The following IL3RA variants were observed in gnomAD, a reference collection of about 807,000 sequenced individuals.
IL3RA encodes the protein interleukin-3 receptor subunit alpha.
Under a neutral mutation model 52.3 loss-of-function variants are expected in IL3RA, and 73 were observed. The observed-to-expected ratio is 1.40, with a 90% CI of 1.16 to 1.70. The LOEUF is 1.70. Ranked by LOEUF, IL3RA falls within the 40% of genes most tolerant of loss-of-function variation. The pLI, the probability that IL3RA is intolerant of heterozygous loss-of-function variation, is 0.00. For missense variants in IL3RA, 664 were observed against 504.4 expected, an observed-to-expected ratio of 1.32 and a Z score of -3.03; for synonymous variants, 260 against 194.0, an observed-to-expected ratio of 1.34 and a Z score of -2.83.
Position 1,358,903 on chromosome X carries a change from C to T in IL3RA, c.759+16C>T. 1 of 1,608,980 alleles carries T rather than the reference C, an allele frequency of 6.2e-7. No individual in the cohort carries two copies. Among genetic ancestry groups the T allele is most frequent in the Non-Finnish European group, 8.5e-7 (1 of 1,177,242 alleles). ...CACAGAACAGGTGAGTGTTCCCTAC[C>T]CCCAGCCGCTGTACTTGACATTGCA... On this transcript the variant is annotated intron_variant, in intron 8 of 11. Transcript: ENST00000331035.
At chrX:1,363,065 C>T (rs770690197) in intron 8 of IL3RA, among the ~76,000 whole-genome samples, 38 of 152,130 alleles carry the variant, frequency 2.5e-4, no homozygotes, top group Middle Eastern at 3.4e-3. Flanking sequence ...TGTCAGCCAC[C>T]GCGCCCGGCC....
At chrX:1,343,151 C>A (rs1302527711) in intron 2 of IL3RA, among the ~76,000 whole-genome samples, 3 of 151,972 alleles carry the variant, frequency 2.0e-5, no homozygotes, top group Non-Finnish European at 4.4e-5. Context: ...GATAAATTAT[C>A]CTTCTAAGTT....
Position 1,349,331 on chromosome X carries a change from A to G in IL3RA, c.298+786A>G, listed in dbSNP as rs747692304. 1.2e-4 allele frequency among the ~76,000 whole-genome samples: 18 copies of G among 150,172 alleles called. No homozygotes were observed. The South Asian group carries it at 1.9e-3, about 16-fold the overall frequency. On this transcript the variant is annotated intron_variant, in intron 4 of 11. Coordinates refer to ENST00000331035, the MANE Select transcript of IL3RA (RefSeq NM_002183.4). ...CGAGTAGCTGGGATTATAGGCGCCC[A>G]CCGCCACGCCCAGCTAATTCTTGTA...
chrX:1,381,473 C>T (rs1201427991), intron 11 of IL3RA, among the ~76,000 whole-genome samples: 17 of 151,856 alleles, frequency 1.1e-4, no homozygotes, highest in African/African-American at 4.1e-4. Flanking sequence ...AGTGGGGGGA[C>T]ACTGGGCTCC....
intron 4 of IL3RA, 126 bp downstream of exon 4, chrX:1,348,671 TTTC>T: frequency 8.6e-6 from 4 of 462,636 alleles, no homozygotes; most frequent in African/African-American, 4.9e-5. Context: ...TCTTTCTTTC[TTTC>T]TTTCTTTCTT....
At chrX:1,348,676 T>TGC (rs2085913745) in intron 4 of IL3RA, 131 bp downstream of exon 4, 1 of 396,196 alleles carries the variant, frequency 2.5e-6, no homozygotes, top group Admixed American at 4.6e-5. Flanking sequence ...CTTTCTTTCT[T>TGC]TCTTTCTTTC....
chrX:1,347,353 A>G (rs6645275), intron 3 of IL3RA, among the ~76,000 whole-genome samples: 63,017 of 150,820 alleles, frequency 0.42, 14,326 homozygotes, highest in Middle Eastern at 0.61. Flanking sequence ...CTGAGGCAGG[A>G]GAATGGCTTG....
intron 6 of IL3RA, 131 bp from the exon 7 acceptor site, chrX:1,356,090 G>A (rs2086683088): frequency 1.5e-6 from 1 of 654,388 alleles, no homozygotes. Flanking sequence ...TTCCTTCCTG[G>A]TGTTTTTCTC....
intron 2 of IL3RA, among the ~76,000 whole-genome samples, chrX:1,344,781 T>A (rs2085656503): frequency 6.6e-6 from 1 of 150,612 alleles, no homozygotes; most frequent in East Asian, 2.0e-4. Flanking sequence ...CTCAAAAAAA[T>A]AAAAAATTTA....
intron 8 of IL3RA, among the ~76,000 whole-genome samples, chrX:1,362,615 G>A (rs1434708573): frequency 1.3e-5 from 2 of 151,124 alleles, no homozygotes; most frequent in South Asian, 2.1e-4. Context: ...TTCTATCTCC[G>A]TCCTCCTGTA....
At chrX:1,339,594 C>T (rs1697163336) in intron 1 of IL3RA, among the ~76,000 whole-genome samples, 1 of 152,080 alleles carries the variant, frequency 6.6e-6, no homozygotes, top group Non-Finnish European at 1.5e-5. Context: ...GAGTTCGAGA[C>T]CAGCCTGACC....
rs1355273278 is a variant in IL3RA at position 1,367,887 on chromosome X, C to T, written c.874+2635C>T. On this transcript the variant is annotated intron_variant, in intron 9 of 11. Transcript: ENST00000331035. ...TCCTGCAAAGGAGAGGAGATTCACT[C>T]CCCCAGTTTCTGTGACCCCAAAAAG... is the stretch of plus-strand genomic sequence containing the variant. 6.6e-5 allele frequency among the ~76,000 whole-genome samples: 10 copies of T among 151,200 alleles called. No individual in the cohort carries two copies. The East Asian group carries it at 7.7e-4, about 12-fold the overall frequency.
chrX:1,367,934 C>G (rs1336918366), intron 9 of IL3RA, among the ~76,000 whole-genome samples: 13 of 151,996 alleles, frequency 8.6e-5, no homozygotes, highest in Admixed American at 3.9e-4. Context: ...CGACGGTGAA[C>G]TCACAGCTTG....
intron 2 of IL3RA, 86 bp downstream of exon 2, chrX:1,341,915 G>GA: frequency 7.0e-7 from 1 of 1,421,496 alleles, no homozygotes; most frequent in Non-Finnish European, 1.0e-6. Context: ...GTCCTTCAGG[G>GA]AAACTTTTCA....
At chrX:1,368,271 A>G (rs2088329996) in intron 9 of IL3RA, among the ~76,000 whole-genome samples, 1 of 151,864 alleles carries the variant, frequency 6.6e-6, no homozygotes. Flanking sequence ...CTCAACAACA[A>G]AACAAAAGGA....
chrX:1,349,873 C>G (rs187170910), intron 4 of IL3RA, among the ~76,000 whole-genome samples: 2 of 148,526 alleles, frequency 1.3e-5, no homozygotes, highest in African/African-American at 4.9e-5. Flanking sequence ...ATGTTGGTCT[C>G]GAACTCCTGA....
At chrX:1,345,088 G>A (rs1303071633) in intron 2 of IL3RA, among the ~76,000 whole-genome samples, 1 of 151,120 alleles carries the variant, frequency 6.6e-6, no homozygotes, top group African/African-American at 2.4e-5. Context: ...AGAGTTGCTT[G>A]AACCAGGAGG....
rs1435527174 is a variant in IL3RA at position 1,348,542 on chromosome X, A to G, written c.295A>G (p.Asn99Asp). The G allele has an allele frequency of 1.2e-6, 2 of 1,608,582 alleles. No homozygotes were observed. The highest frequency in any genetic ancestry group is 2.2e-5 in the South Asian group (2 of 90,968). ...PFSTWILFPE[N>D]SGKPWAGAEN... ...CTCCACGTGGATCCTCTTCCCTGAG[A>G]ACAGTGAGAAAAATGTTCATTGTTT... is the stretch of plus-strand genomic sequence containing the variant. The change falls in exon 4 of 12, where the codon AAC becomes GAC. Residue 99 changes from asparagine (N) to aspartate (D), a missense_variant. Transcript: ENST00000331035.
intron 9 of IL3RA, among the ~76,000 whole-genome samples, chrX:1,365,571 A>C (rs1185138337): frequency 8.5e-5 from 2 of 23,616 alleles, no homozygotes; most frequent in East Asian, 9.2e-4. Context: ...GCGCGGGGTG[A>C]GCGGGGTGAG....
Sources: gnomAD v4.1 joint callset for allele counts (sites outside exome capture counted in the v4.1 genomes callset) on GRCh38, gnomAD v4.1.1 for gene constraint, MANE v1.5 for transcripts, NCBI Gene and HGNC (gene_info 2026-07-23, HGNC 2026-07-21) for gene names.